Variants in FUCA1 observed in about 807,000 individuals in gnomAD.
FUCA1 encodes the protein tissue alpha-L-fucosidase.
A neutral mutation model predicts 56.8 loss-of-function variants in FUCA1; 52 were observed. That is an observed-to-expected ratio of 0.92 (90% CI 0.73 to 1.15). The LOEUF is 1.15. Among genes scored for constraint, FUCA1 ranks in the 50% most tolerant of loss-of-function variants. FUCA1 has a pLI of 0.00. For synonymous variants in FUCA1, 230 were observed against 226.6 expected (o/e 1.02, Z -0.14); for missense variants, 568 against 592.6 (o/e 0.96, Z 0.43).
At chr1:23,848,548 G>A in intron 6 of FUCA1, 101 bp downstream of exon 6, 1 of 1,169,838 alleles carries the variant, frequency 8.5e-7, no homozygotes, top group Admixed American at 1.7e-5. Flanking sequence ...ATTTTCTCAA[G>A]GCAACTTCCA....
chr1:23,868,208 A>C lies in FUCA1; in HGVS notation c.79T>G (p.Ser27Ala). Residue 27 changes from serine (S) to alanine (A), a missense_variant, in exon 1 of 8, where the codon TCG (serine) becomes GCG (alanine). Physicochemically the swap from Ser to Ala is moderately conservative, Grantham distance 99. Coordinates refer to ENST00000374479, the MANE Select transcript of FUCA1 (RefSeq NM_000147.5). ...CGCGGAGGCTGGGCCCGACGCACCG[A>C]CTCGGCCGCTCCGAGGAAGAGCAGC... ...LLLLFLGAAE[S>A]VRRAQPPRRY... 1 of 1,593,572 alleles carries C rather than the reference A, an allele frequency of 6.3e-7. No individual in the cohort carries two copies. Among genetic ancestry groups the C allele is most frequent in the Non-Finnish European group, 8.5e-7 (1 of 1,171,084 alleles).
At chr1:23,847,445 T>C (rs915047430) in intron 6 of FUCA1, among the ~76,000 whole-genome samples, 5 of 152,094 alleles carry the variant, frequency 3.3e-5, no homozygotes, top group Middle Eastern at 3.4e-3. Context: ...ATCTCCCAAA[T>C]CTCATGATGG....
At position 23,867,873 on chromosome 1, in the gene FUCA1, CG is replaced by C; in HGVS notation, c.389+24del. On this transcript the variant is annotated intron_variant, in intron 1 of 7. Transcript: ENST00000374479. This position sits in a 1 kb window ranked among gnomAD's most constrained non-coding sequence, Gnocchi z 4.9. ...GTTTGCCGCCCGAGCCGGGAAGGGG[CG>C]CCGCTCCCCGGGACCACACTCACTT... The C allele has an allele frequency of 6.5e-7, 1 of 1,533,842 alleles. No homozygotes were observed. The highest frequency in any genetic ancestry group is 8.8e-7 in the Non-Finnish European group (1 of 1,141,776).
Position 23,848,634 on chromosome 1 carries a change from GAAGAC to G in FUCA1, c.1160+10_1160+14del, listed in dbSNP as rs2148438648. 1 of 1,613,636 alleles carries G rather than the reference GAAGAC, an allele frequency of 6.2e-7. No homozygotes were observed. The highest frequency in any genetic ancestry group is 2.2e-5 in the East Asian group (1 of 44,884). The stretch of plus-strand genomic sequence containing the variant: ...CACTGTTCTGTTCTTACACACAACA[GAAGAC>G]AAGACTCACCATACAGATGTTGTGT... On this transcript the variant is annotated intron_variant, in intron 6 of 7. Transcript: ENST00000374479.
intron 4 of FUCA1, among the ~76,000 whole-genome samples, chr1:23,857,929 A>C (rs1460759895): frequency 6.6e-6 from 1 of 151,806 alleles, no homozygotes; most frequent in Non-Finnish European, 1.5e-5. Flanking sequence ...CGGCCTCCCA[A>C]AGTGCTGGGA....
chr1:23,867,937 G>C lies in FUCA1; in HGVS notation c.350C>G (p.Pro117Arg). The C allele has an allele frequency of 5.8e-6, 9 of 1,564,434 alleles. No homozygotes were observed. The highest frequency in any genetic ancestry group is 7.8e-6 in the Non-Finnish European group (9 of 1,155,198). Reference sequence around the variant, plus strand: ...CTGGAAGAGGTCGGCCCACTCCTCCGGGTGGAAGAAGCGCGCAGTGAACTG... The same window carrying C: ...CTGGAAGAGGTCGGCCCACTCCTCCCGGTGGAAGAAGCGCGCAGTGAACTG... ...GPQFTARFFH[P>R]EEWADLFQAA... The change falls in exon 1 of 8, where the codon CCG (proline) becomes CGG (arginine). Residue 117 changes from proline (P) to arginine (R), a missense_variant. Pro to Arg is a moderately radical substitution (Grantham distance 103). Coordinates refer to ENST00000374479, the MANE Select transcript of FUCA1 (RefSeq NM_000147.5). The surrounding 1 kb of genome is among the most constrained non-coding windows in gnomAD (Gnocchi z 4.9).
chr1:23,857,166 C>T lies in FUCA1; in HGVS notation c.769-2606G>A, dbSNP rs1032078314. 5.9e-5 allele frequency among the ~76,000 whole-genome samples: 9 copies of T among 152,060 alleles called. No homozygotes were observed. In the South Asian group the frequency reaches 1.7e-3, roughly 28 times the overall value. ...GCACAAACACTAGACTGTAACCTCA[C>T]GTAGCAAGCGACCTAGCTCGAGGGG... On this transcript the variant is annotated intron_variant, in intron 4 of 7. Coordinates refer to ENST00000374479, the MANE Select transcript of FUCA1 (RefSeq NM_000147.5).
intron 7 of FUCA1, 26 bp from the exon 8 acceptor site, chr1:23,845,881 C>T: frequency 2.5e-6 from 4 of 1,613,842 alleles, no homozygotes; most frequent in Non-Finnish European, 3.4e-6. Context: ...GGGAATGAAA[C>T]AAACTGGTAA....
intron 3 of FUCA1, 27 bp downstream of exon 3, chr1:23,863,107 T>G: frequency 6.2e-7 from 1 of 1,613,296 alleles, no homozygotes; most frequent in Non-Finnish European, 8.5e-7. Context: ...ATAAAAGTCA[T>G]AGGGCCAAAA....
chr1:23,856,182 A>G (rs1461344264), intron 4 of FUCA1, among the ~76,000 whole-genome samples: 1 of 152,052 alleles, frequency 6.6e-6, no homozygotes, highest in Non-Finnish European at 1.5e-5. Context: ...GGCAAATATC[A>G]CCCACCTCAC....
At position 23,845,362 on chromosome 1, in the gene FUCA1, T is replaced by G; in HGVS notation, c.*353A>C. The G allele has an allele frequency of 2.8e-6, 1 of 350,932 alleles. No individual in the cohort carries two copies. The highest frequency in any genetic ancestry group is 5.5e-6 in the Non-Finnish European group (1 of 182,910). 21.7% of individuals were successfully genotyped at this position (350,932 alleles called of 1,614,324 possible). On this transcript the variant is annotated 3_prime_UTR_variant, in exon 8 of 8. Transcript: ENST00000374479. ...TGCCAAATCCTTCCACCTCCTCCCA[T>G]AGGCAACAGGGTGACTTGGCTTAAA...
intron 5 of FUCA1, among the ~76,000 whole-genome samples, chr1:23,853,873 G>T (rs368698344): frequency 1.6e-4 from 25 of 151,552 alleles, no homozygotes; most frequent in Non-Finnish European, 2.5e-4. Context: ...CAGCATGCTC[G>T]TTAAGAGTCA....
intron 5 of FUCA1, among the ~76,000 whole-genome samples, chr1:23,851,481 T>C (rs908672597): frequency 6.6e-6 from 1 of 152,198 alleles, no homozygotes; most frequent in Non-Finnish European, 1.5e-5. Context: ...ACTCTAATTA[T>C]TTCCTTAGGA....
intron 5 of FUCA1, among the ~76,000 whole-genome samples, chr1:23,849,373 T>G (rs1043893956): frequency 6.6e-6 from 1 of 152,062 alleles, no homozygotes; most frequent in African/African-American, 2.4e-5. Context: ...TATATTATAT[T>G]AACTTGAATT....
chr1:23,860,501 G>A (rs970667854), intron 3 of FUCA1, among the ~76,000 whole-genome samples: 2 of 150,478 alleles, frequency 1.3e-5, no homozygotes, highest in Admixed American at 6.6e-5. Flanking sequence ...GGAGAATGGC[G>A]TGAACCTGGG....
intron 5 of FUCA1, among the ~76,000 whole-genome samples, chr1:23,850,861 G>A (rs1389968093): frequency 1.3e-5 from 2 of 152,164 alleles, no homozygotes; most frequent in Middle Eastern, 3.4e-3. Context: ...CTGCCCTCAA[G>A]CAATCCTCTT....
chr1:23,845,558 T>C lies in FUCA1; in HGVS notation c.*157A>G. On this transcript the variant is annotated 3_prime_UTR_variant, in exon 8 of 8. Transcript: ENST00000374479. ...CTCAGATCTTTGGTCCATTTAGACA[T>C]CAGGGTAATGTACTCAGTTCCTTTA... The C allele has an allele frequency of 3.7e-6, 3 of 809,458 alleles. No homozygotes were observed. In the South Asian group the frequency reaches 4.7e-5, roughly 13 times the overall value. The allele number at this position is 809,458 out of a possible 1,614,324, so 50.1% of individuals were successfully genotyped here. A position where few individuals can be genotyped will look rare whatever the true frequency, so the allele number is the denominator to read the frequency against.
chr1:23,850,544 C>G (rs55974551), intron 5 of FUCA1, among the ~76,000 whole-genome samples: 1 of 152,058 alleles, frequency 6.6e-6, no homozygotes, highest in African/African-American at 2.4e-5. Context: ...AGTGCAGTGG[C>G]GCAATCTCAG....
At chr1:23,857,554 G>C (rs1157510295) in intron 4 of FUCA1, among the ~76,000 whole-genome samples, 1 of 151,878 alleles carries the variant, frequency 6.6e-6, no homozygotes, top group East Asian at 1.9e-4. Flanking sequence ...CTGGAGTACA[G>C]TGGCACGATC....
Sources: allele counts gnomAD v4.1 joint callset (sites outside exome capture counted in the v4.1 genomes callset), GRCh38; gene constraint gnomAD v4.1.1; non-coding constraint Gnocchi (gnomAD v3.1); transcripts MANE v1.5; gene names NCBI Gene and HGNC (gene_info 2026-07-23, HGNC 2026-07-21).